Variants in ZNF493 observed in about 807,000 individuals in gnomAD.
The protein encoded by ZNF493 is zinc finger protein 493.
Under a neutral mutation model 12.2 loss-of-function variants are expected in ZNF493, and 11 were observed. The ratio of observed to expected loss-of-function variants is 0.90; its 90% CI spans 0.57 to 1.50. ZNF493 has a LOEUF of 1.50. Among genes scored for constraint, ZNF493 ranks in the 40% most tolerant of loss-of-function variants. The pLI is 0.00. For missense variants in ZNF493, 950 were observed against 906.6 expected (o/e 1.05, Z -0.61); for synonymous variants, 286 against 302.6 (o/e 0.95, Z 0.57).
intron 3 of ZNF493, among the ~76,000 whole-genome samples, chr19:21,420,318 CTTATT>C (rs894870038): frequency 1.3e-5 from 2 of 151,264 alleles, no homozygotes; most frequent in African/African-American, 2.4e-5. Context: ...TTACTTCTTC[CTTATT>C]TTGTTTTGTG....
chr19:21,405,509 A>G, intron 2 of ZNF493: 5 of 1,335,166 alleles, frequency 3.7e-6, no homozygotes, highest in South Asian at 2.0e-5. Flanking sequence ...ATTTAGTAGT[A>G]TAAAATATTG....
At chr19:21,411,284 G>C (rs1344678067) in intron 3 of ZNF493, among the ~76,000 whole-genome samples, 2 of 151,842 alleles carry the variant, frequency 1.3e-5, no homozygotes, top group Non-Finnish European at 2.9e-5. Flanking sequence ...TCTCTGTTCT[G>C]TTCTTTCATC....
At chr19:21,400,086 G>A (rs748257248) in intron 1 of ZNF493, among the ~76,000 whole-genome samples, 6 of 152,142 alleles carry the variant, frequency 3.9e-5, no homozygotes, top group Non-Finnish European at 8.8e-5. Flanking sequence ...AAAAGAAATA[G>A]ATACTTTTGC....
At chr19:21,416,203 ACT>A (rs1228893353) in intron 3 of ZNF493, among the ~76,000 whole-genome samples, 2 of 152,050 alleles carry the variant, frequency 1.3e-5, no homozygotes, top group South Asian at 4.2e-4. Context: ...TTTGGCGGGA[ACT>A]CTGTTTTTCC....
chr19:21,398,160 C>G (rs1048642672), intron 1 of ZNF493: 1 of 152,698 alleles, frequency 6.5e-6, no homozygotes, highest in South Asian at 2.1e-4. Context: ...AAGATAATTT[C>G]CAGTTTCCTC....
At chr19:21,421,138 T>A (rs1377962332) in intron 3 of ZNF493, among the ~76,000 whole-genome samples, 3 of 152,178 alleles carry the variant, frequency 2.0e-5, no homozygotes, top group African/African-American at 7.2e-5. Context: ...TAAATATCTT[T>A]GCTTGTATCC....
intron 3 of ZNF493, chr19:21,413,460 C>T (rs755624320): frequency 1.8e-4 from 72 of 404,488 alleles, no homozygotes; most frequent in Middle Eastern, 6.1e-4. Context: ...GTCCCACTTT[C>T]TTCAGGTTTT....
At chr19:21,410,060 GTATA>G (rs60038018) in intron 3 of ZNF493, among the ~76,000 whole-genome samples, 1,635 of 43,910 alleles carry the variant, frequency 0.037, 27 homozygotes, top group African/African-American at 0.075. Context: ...TTCATTGTGT[GTATA>G]TATATATATA....
chr19:21,411,840 T>C (rs1469821336), intron 3 of ZNF493: 1 of 151,766 alleles, frequency 6.6e-6, no homozygotes, highest in African/African-American at 2.4e-5. Context: ...CTCAGCTTAC[T>C]GTATCCTCTG....
chr19:21,403,833 A>G (rs976159945), intron 1 of ZNF493, among the ~76,000 whole-genome samples: 3 of 152,112 alleles, frequency 2.0e-5, no homozygotes, highest in Non-Finnish European at 4.4e-5. Flanking sequence ...TCTGCAAAAT[A>G]TCTCTCTCCT....
At chr19:21,409,856 A>G (rs2030263455) in intron 3 of ZNF493, among the ~76,000 whole-genome samples, 1 of 151,880 alleles carries the variant, frequency 6.6e-6, no homozygotes, top group African/African-American at 2.4e-5. Context: ...TTAAGTAACA[A>G]CAACGCATTT....
Position 21,423,728 on chromosome 19 carries a change from G to C in ZNF493, c.1069G>C (p.Ala357Pro). 1 of 1,611,246 alleles carries C rather than the reference G, an allele frequency of 6.2e-7. No homozygotes were observed. Among genetic ancestry groups the C allele is most frequent in the Non-Finnish European group, 8.5e-7 (1 of 1,179,100 alleles). Residue 357 changes from alanine (A) to proline (P), a missense_variant, in exon 4 of 4, where the codon GCT (alanine) becomes CCT (proline). By Grantham distance (27) the Ala-to-Pro change is conservative. Transcript: ENST00000392288. ...KSHRCEEYCK[A>P]YKESSHLTTH... ...CCACAGATGTGAAGAATATTGCAAA[G>C]CTTATAAGGAGTCCTCACACCTTAC... is the stretch of plus-strand genomic sequence containing the variant.
intron 3 of ZNF493, among the ~76,000 whole-genome samples, chr19:21,417,093 T>G (rs2030518615): frequency 6.6e-6 from 1 of 152,160 alleles, no homozygotes; most frequent in African/African-American, 2.4e-5. Context: ...CCTCATGGCA[T>G]TTCCCAAAAT....
rs386388731 is a variant in ZNF493 at position 21,405,907 on chromosome 19, T to TAAAAA, written c.253+69_253+73dup. 7.3e-3 allele frequency: 1,320 copies of TAAAAA among 180,198 alleles called. 20 individuals carry two copies. Among genetic ancestry groups the TAAAAA allele is most frequent in the Non-Finnish European group, 1.0e-2 (1,016 of 102,060 alleles). 11.2% of individuals were successfully genotyped at this position (180,198 alleles called of 1,614,324 possible). A position where few individuals can be genotyped will look rare whatever the true frequency, so the allele number is the denominator to read the frequency against. ...GACATAGATGAAAGGTTGAAAGATTTAAAAAAAAAAAAAAAAAAAAAAGCC... is the reference window on the plus strand; with the variant it reads ...GACATAGATGAAAGGTTGAAAGATTTAAAAAAAAAAAAAAAAAAAAAAAAAAAGCC... On this transcript the variant is annotated intron_variant, in intron 3 of 3. Coordinates refer to ENST00000392288, the MANE Select transcript of ZNF493 (RefSeq NM_001076678.3).
At chr19:21,410,058 G>GTATATATATA (rs750161583) in intron 3 of ZNF493, among the ~76,000 whole-genome samples, 65 of 139,870 alleles carry the variant, frequency 4.6e-4, no homozygotes, top group African/African-American at 1.4e-3. Context: ...ATTTCATTGT[G>GTATATATATA]TGTATATATA....
chr19:21,408,647 T>A, intron 3 of ZNF493: 1 of 985,248 alleles, frequency 1.0e-6, no homozygotes, highest in Non-Finnish European at 1.2e-6. Flanking sequence ...CCTGTGCAGT[T>A]TCATATTAGT....
chr19:21,404,858 ATGTTTG>A (rs2030062320), intron 1 of ZNF493, among the ~76,000 whole-genome samples: 1 of 147,768 alleles, frequency 6.8e-6, no homozygotes, highest in Non-Finnish European at 1.5e-5. Context: ...AAAAATGTAC[ATGTTTG>A]TGTTTATGCC....
At chr19:21,402,956 G>A (rs2029996452) in intron 1 of ZNF493, among the ~76,000 whole-genome samples, 2 of 152,224 alleles carry the variant, frequency 1.3e-5, no homozygotes, top group Non-Finnish European at 1.5e-5. Context: ...AGGTTCTGGA[G>A]TTCCACCAAA....
chr19:21,425,054 C>G lies in ZNF493; in HGVS notation c.*70C>G. ...AATGTGGCAAAGCTTTTCACCAGTA[C>G]TTTACCCTTAATACACATAAGATAA... On this transcript the variant is annotated 3_prime_UTR_variant, in exon 4 of 4. Coordinates refer to ENST00000392288, the MANE Select transcript of ZNF493 (RefSeq NM_001076678.3). 1 of 1,515,780 alleles carries G rather than the reference C, an allele frequency of 6.6e-7. No homozygotes were observed. Among genetic ancestry groups the G allele is most frequent in the Non-Finnish European group, 9.0e-7 (1 of 1,113,114 alleles). The allele number at this position is 1,515,780 out of a possible 1,614,324, so 93.9% of individuals were successfully genotyped here.
Sources: gnomAD v4.1 joint callset for allele counts (sites outside exome capture counted in the v4.1 genomes callset) on GRCh38, gnomAD v4.1.1 for gene constraint, MANE v1.5 for transcripts, NCBI Gene and HGNC (gene_info 2026-07-23, HGNC 2026-07-21) for gene names.